Variants in ABCF1 observed in about 807,000 individuals in gnomAD.
The protein encoded by ABCF1 is ATP-binding cassette sub-family F member 1.
A neutral mutation model predicts 126.3 loss-of-function variants in ABCF1; 73 were observed. The observed-to-expected ratio is 0.58, with a 90% confidence interval of 0.48 to 0.70. The LOEUF (loss-of-function observed/expected upper bound fraction) is 0.70, where lower values mean the gene tolerates loss of function less well. ABCF1 is among the 30% of genes least tolerant of loss of function. ABCF1 has a pLI of 0.00. For missense variants in ABCF1, 786 were observed against 1,057.5 expected (o/e 0.74, Z 3.56); for synonymous variants, 345 against 396.4 (o/e 0.87, Z 1.54).
At chr6:30,588,919 C>T (rs150920408) in intron 20 of ABCF1, among the ~76,000 whole-genome samples, 1 of 152,136 alleles carries the variant, frequency 6.6e-6, no homozygotes, top group Non-Finnish European at 1.5e-5. Flanking sequence ...GCTTGTCCCT[C>T]TTGTCCTCCA....
Position 30,582,382 on chromosome 6 carries a change from G to A in ABCF1, c.679-12G>A, listed in dbSNP as rs762455385. The A allele has an allele frequency of 2.0e-5, 32 of 1,563,494 alleles. No individual in the cohort carries two copies. In the South Asian group the frequency reaches 2.5e-4, roughly 12 times the overall value. ...GGAGTCCCTAGTTTTGACCATCCCC[G>A]GGTTCTCACAGGGTTCAGAGGAAGA... On this transcript the variant is annotated splice_polypyrimidine_tract_variant and intron_variant, in intron 8 of 24. Transcript: ENST00000326195.
Position 30,577,458 on chromosome 6 carries a change from G to A in ABCF1, c.120+3G>A. 3.7e-6 allele frequency: 6 copies of A among 1,613,398 alleles called. No individual in the cohort carries two copies. Among genetic ancestry groups the A allele is most frequent in the Non-Finnish European group, 4.2e-6 (5 of 1,179,646 alleles). On this transcript the variant is annotated splice_donor_region_variant and intron_variant, in intron 2 of 24. Transcript: ENST00000326195. ...AGGACAAGAAGATCAAAAAAACGGT[G>A]AGAAAATGAGGGTTGAGGATAAGAA...
intron 20 of ABCF1, chr6:30,589,471 C>T: frequency 1.7e-6 from 1 of 594,852 alleles, no homozygotes; most frequent in Non-Finnish European, 3.0e-6. Context: ...GGTGTGGTGG[C>T]AGGCACCTGT....
intron 1 of ABCF1, among the ~76,000 whole-genome samples, chr6:30,572,866 G>A (rs1801324696): frequency 6.6e-6 from 1 of 152,216 alleles, no homozygotes; most frequent in Admixed American, 6.5e-5. Flanking sequence ...AGCCAAGGAA[G>A]TTTGTGGAAG....
chr6:30,587,285 C>T (rs1264436), intron 20 of ABCF1, among the ~76,000 whole-genome samples: 110,313 of 150,196 alleles, frequency 0.73, 40,962 homozygotes, highest in South Asian at 0.86. Context: ...GCGTGGTGGC[C>T]CACGCCTATA....
Position 30,583,036 on chromosome 6 carries a change from C to T in ABCF1, c.793-30C>T. 6.3e-7 allele frequency: 1 copy of T among 1,591,876 alleles called. No individual in the cohort carries two copies. Among genetic ancestry groups the T allele is most frequent in the Non-Finnish European group, 8.6e-7 (1 of 1,163,478 alleles). ...GTGATGGGAAACTGGTAGACTGTGG[C>T]TTCAAATGTAGTTTTTCCTACCTTC... is the stretch of plus-strand genomic sequence containing the variant. On this transcript the variant is annotated intron_variant, in intron 9 of 24. Coordinates refer to ENST00000326195, the MANE Select transcript of ABCF1 (RefSeq NM_001025091.2). This position sits in a 1 kb window ranked among gnomAD's most constrained non-coding sequence, Gnocchi z 4.1.
At chr6:30,577,105 C>T (rs1801538224) in intron 1 of ABCF1, among the ~76,000 whole-genome samples, 1 of 152,218 alleles carries the variant, frequency 6.6e-6, no homozygotes, top group Non-Finnish European at 1.5e-5. Context: ...ATTTAAAAAT[C>T]TCTCTTCCTA....
At chr6:30,571,787 G>A (rs1365282844) in intron 1 of ABCF1, among the ~76,000 whole-genome samples, 1 of 152,130 alleles carries the variant, frequency 6.6e-6, no homozygotes, top group East Asian at 1.9e-4. Context: ...GACTGGGCGA[G>A]ATAAAAGAAA....
intron 1 of ABCF1, among the ~76,000 whole-genome samples, chr6:30,576,222 A>G (rs910807035): frequency 1.4e-5 from 2 of 140,812 alleles, no homozygotes; most frequent in African/African-American, 5.3e-5. Context: ...AAATGGTACC[A>G]CTTAGCCCAG....
chr6:30,587,601 C>T (rs1802214776), intron 20 of ABCF1, among the ~76,000 whole-genome samples: 1 of 151,866 alleles, frequency 6.6e-6, no homozygotes, highest in Non-Finnish European at 1.5e-5. Context: ...CGCTATTGCA[C>T]TCCAGCCTGG....
At chr6:30,576,257 G>A (rs1219135929) in intron 1 of ABCF1, among the ~76,000 whole-genome samples, 1 of 140,520 alleles carries the variant, frequency 7.1e-6, no homozygotes, top group African/African-American at 2.7e-5. Flanking sequence ...TAAAAACACA[G>A]GAGTCATCTC....
chr6:30,583,934 T>C lies in ABCF1; in HGVS notation c.1102+44T>C. 2.5e-6 allele frequency: 4 copies of C among 1,600,626 alleles called. No homozygotes were observed. Among genetic ancestry groups the C allele is most frequent in the Non-Finnish European group, 3.4e-6 (4 of 1,169,474 alleles). The stretch of plus-strand genomic sequence containing the variant: ...AAAGGGGCTTGGTGGGGTGGGCAGT[T>C]GGGTAGAAAAGCCAGCCAGCCAAGA... On this transcript the variant is annotated intron_variant, in intron 12 of 24. Transcript: ENST00000326195. The surrounding 1 kb of genome is among the most constrained non-coding windows in gnomAD (Gnocchi z 4.1).
At position 30,589,988 on chromosome 6, in the gene ABCF1, G is replaced by A. The variant is rs549496439; in HGVS notation, c.2233+14G>A. On this transcript the variant is annotated intron_variant, in intron 22 of 24. Transcript: ENST00000326195. ...GCAAACTCTCTGGTACCACTTCAGG[G>A]GCCAGGGAGGGTGCCCTTCACCTTA... 1 of 1,611,188 alleles carries A rather than the reference G, an allele frequency of 6.2e-7. No individual in the cohort carries two copies. Among genetic ancestry groups the A allele is most frequent in the Non-Finnish European group, 8.5e-7 (1 of 1,178,996 alleles).
intron 6 of ABCF1, 33 bp downstream of exon 6, chr6:30,578,610 T>A: frequency 6.4e-7 from 1 of 1,574,254 alleles, no homozygotes; most frequent in South Asian, 1.1e-5. Context: ...TCACTCTCAC[T>A]CCATTTAGCA....
At chr6:30,588,585 T>C (rs1802276687) in intron 20 of ABCF1, among the ~76,000 whole-genome samples, 1 of 152,074 alleles carries the variant, frequency 6.6e-6, no homozygotes, top group South Asian at 2.1e-4. Flanking sequence ...GGTCTTGATC[T>C]CCTGACCTCA....
At position 30,580,393 on chromosome 6, in the gene ABCF1, T is replaced by C. The variant is rs1456156585; in HGVS notation, c.565-13T>C. On this transcript the variant is annotated splice_polypyrimidine_tract_variant and intron_variant, in intron 7 of 24. Transcript: ENST00000326195. ...AAAAAAACATTTCATCAGACCTGTC[T>C]TTTCCCTATTAGCCTCAAAATAAAT... 4 of 1,482,160 alleles carry C rather than the reference T, an allele frequency of 2.7e-6. No individual in the cohort carries two copies. Among genetic ancestry groups the C allele is most frequent in the Non-Finnish European group, 2.7e-6 (3 of 1,107,502 alleles). 91.8% of individuals were successfully genotyped at this position (1,482,160 alleles called of 1,614,324 possible).
rs773969901 is a variant in ABCF1, at chr6:30,574,715, G to GT, written c.74-2688dup. On this transcript the variant is annotated intron_variant, in intron 1 of 24. Transcript: ENST00000326195. This position sits in a 1 kb window ranked among gnomAD's most constrained non-coding sequence, Gnocchi z 4.3. Reference sequence around the variant, plus strand: ...TTTTTTTTCTTTAACTTTTTTGTTTGTTTTTTGTGGTTTGTTTTTTGGGGA... The same window carrying GT: ...TTTTTTTTCTTTAACTTTTTTGTTTGTTTTTTTGTGGTTTGTTTTTTGGGGA... 6.6e-6 allele frequency among the ~76,000 whole-genome samples: 1 copy of GT among 151,952 alleles called. No homozygotes were observed. The highest frequency in any genetic ancestry group is 2.4e-5 in the African/African-American group (1 of 41,364).
chr6:30,586,834 A>ATTCATTTCCC lies in ABCF1; in HGVS notation c.2031+125_2031+134dup. The stretch of plus-strand genomic sequence containing the variant: ...TTAAATACAGAACTCATGATAGATG[A>ATTCATTTCCC]TTCATTTCCCTAAGAGGGGCAGTAG... On this transcript the variant is annotated intron_variant, in intron 20 of 24. Coordinates refer to ENST00000326195, the MANE Select transcript of ABCF1 (RefSeq NM_001025091.2). The surrounding 1 kb of genome is among the most constrained non-coding windows in gnomAD (Gnocchi z 4.9). 1 of 1,080,356 alleles carries ATTCATTTCCC rather than the reference A, an allele frequency of 9.3e-7. No homozygotes were observed. The highest frequency in any genetic ancestry group is 1.4e-5 in the South Asian group (1 of 70,958). The allele number at this position is 1,080,356 out of a possible 1,614,324, so 66.9% of individuals were successfully genotyped here. A position where few individuals can be genotyped will look rare whatever the true frequency, so the allele number is the denominator to read the frequency against.
rs1185498261 is a variant in ABCF1 at position 30,585,689 on chromosome 6, A to G, written c.1600+7A>G. ...TACTATAGGGGCAATTACAGTAAGTAGGATTGTGTGTGGATGCAGGGAAGA... is the reference window on the plus strand; with the variant it reads ...TACTATAGGGGCAATTACAGTAAGTGGGATTGTGTGTGGATGCAGGGAAGA... On this transcript the variant is annotated splice_region_variant and intron_variant, in intron 16 of 24. Transcript: ENST00000326195. 2 of 1,612,784 alleles carry G rather than the reference A, an allele frequency of 1.2e-6. No homozygotes were observed. Among genetic ancestry groups the G allele is most frequent in the Admixed American group, 3.3e-5 (2 of 60,002 alleles).
Sources: allele counts gnomAD v4.1 joint callset (sites outside exome capture counted in the v4.1 genomes callset), GRCh38; gene constraint gnomAD v4.1.1; non-coding constraint Gnocchi (gnomAD v3.1); transcripts MANE v1.5; gene names NCBI Gene and HGNC (gene_info 2026-07-23, HGNC 2026-07-21).